Variants in SYT10 observed in about 807,000 individuals in gnomAD.
SYT10 encodes synaptotagmin-10.
In SYT10, 31 loss-of-function variants were observed where a neutral mutation model predicts 51.1. That is an observed-to-expected ratio of 0.61 (90% CI 0.46 to 0.82). The LOEUF is 0.82. Ranked by LOEUF, SYT10 falls within the 40% of genes least tolerant of loss-of-function variation. The pLI is 0.00. For synonymous variants in SYT10, 233 were observed against 225.9 expected, an observed-to-expected ratio of 1.03 and a Z score of -0.28; for missense variants, 603 against 634.0, an observed-to-expected ratio of 0.95 and a Z score of 0.53.
rs1866045329 is a variant in SYT10, at chr12:33,374,358, A to G, written c.*2472T>C. The G allele has an allele frequency of 6.6e-6, 1 of 151,744 alleles. No homozygotes were observed. Among genetic ancestry groups the G allele is most frequent in the Admixed American group, 6.6e-5 (1 of 15,218 alleles). 9.4% of individuals were successfully genotyped at this position (151,744 alleles called of 1,614,324 possible). On this transcript the variant is annotated 3_prime_UTR_variant, in exon 7 of 7. Transcript: ENST00000228567. Reference sequence around the variant, plus strand: ...GTGTCAGTACTGTCATTAAAATGTGATGTCCCACACAAATAAGGGGATTTG... The same window carrying G: ...GTGTCAGTACTGTCATTAAAATGTGGTGTCCCACACAAATAAGGGGATTTG...
intron 2 of SYT10, among the ~76,000 whole-genome samples, chr12:33,419,940 C>A (rs1321255752): frequency 6.6e-6 from 1 of 152,066 alleles, no homozygotes; most frequent in Non-Finnish European, 1.5e-5. Context: ...TTACTTGATT[C>A]CTAGAAGGTC....
rs994024796 is a variant in SYT10 at position 33,391,941 on chromosome 12, G to A, written c.1078-6650C>T. ...TACCAGCAACTAGAAAACAAGTGACGAAGACACTTTTTACGGGTGTTGTGG... is the reference window on the plus strand; with the variant it reads ...TACCAGCAACTAGAAAACAAGTGACAAAGACACTTTTTACGGGTGTTGTGG... On this transcript the variant is annotated intron_variant, in intron 3 of 6. Coordinates refer to ENST00000228567, the MANE Select transcript of SYT10 (RefSeq NM_198992.4). Among the ~76,000 whole-genome samples the A allele has an allele frequency of 6.6e-5, 10 of 152,130 alleles. 1 individual carries two copies. The highest frequency in any genetic ancestry group is 2.6e-4 in the Admixed American group (4 of 15,268).
At chr12:33,428,733 C>T (rs746480843) in intron 1 of SYT10, among the ~76,000 whole-genome samples, 1 of 152,038 alleles carries the variant, frequency 6.6e-6, no homozygotes, top group African/African-American at 2.4e-5. Context: ...GATGAAACTC[C>T]GTCTCTACTA....
chr12:33,418,650 A>ACTC (rs1199918363), intron 2 of SYT10, among the ~76,000 whole-genome samples: 12 of 151,680 alleles, frequency 7.9e-5, no homozygotes, highest in African/African-American at 2.9e-4. Flanking sequence ...GTCATTTTTG[A>ACTC]CTCTTCTTAT....
At chr12:33,418,538 C>T (rs1866474420) in intron 2 of SYT10, among the ~76,000 whole-genome samples, 1 of 152,274 alleles carries the variant, frequency 6.6e-6, no homozygotes, top group Middle Eastern at 3.4e-3. Flanking sequence ...TCTTTAAATA[C>T]CACAGGTCCG....
At chr12:33,396,625 G>A (rs1196711470) in intron 3 of SYT10, among the ~76,000 whole-genome samples, 1 of 151,672 alleles carries the variant, frequency 6.6e-6, no homozygotes, top group Non-Finnish European at 1.5e-5. Flanking sequence ...TATAATCTGT[G>A]TCTGAAATCT....
At chr12:33,430,572 T>C (rs976567099) in intron 1 of SYT10, among the ~76,000 whole-genome samples, 7 of 152,192 alleles carry the variant, frequency 4.6e-5, no homozygotes, top group African/African-American at 1.4e-4. Context: ...GAATTGATAT[T>C]CTCCTCTGTG....
At chr12:33,407,697 C>A in intron 2 of SYT10, 1 of 190,080 alleles carries the variant, frequency 5.3e-6, no homozygotes, top group Non-Finnish European at 1.1e-5. Flanking sequence ...CTTAAAACTC[C>A]TGAGCTCAAG....
intron 4 of SYT10, among the ~76,000 whole-genome samples, chr12:33,383,957 T>C (rs1443565349): frequency 1.3e-5 from 2 of 152,178 alleles, no homozygotes; most frequent in Non-Finnish European, 2.9e-5. Flanking sequence ...GAGTACACTG[T>C]TTATCTTAAA....
At chr12:33,387,142 T>A (rs1866163877) in intron 3 of SYT10, among the ~76,000 whole-genome samples, 1 of 152,200 alleles carries the variant, frequency 6.6e-6, no homozygotes, top group South Asian at 2.1e-4. Context: ...CATGATACAC[T>A]ATTAACATCT....
intron 3 of SYT10, among the ~76,000 whole-genome samples, chr12:33,387,821 C>T (rs570259322): frequency 0.011 from 1,632 of 146,986 alleles, 24 homozygotes; most frequent in African/African-American, 0.038. Context: ...GCAACCATTG[C>T]TCATGGCAGG....
chr12:33,390,467 C>T (rs757218652), intron 3 of SYT10, among the ~76,000 whole-genome samples: 30 of 152,128 alleles, frequency 2.0e-4, no homozygotes, highest in Admixed American at 6.6e-4. Flanking sequence ...AACTATTTGA[C>T]ATGACACATG....
intron 2 of SYT10, chr12:33,423,786 G>A: frequency 2.7e-6 from 1 of 365,934 alleles, no homozygotes; most frequent in Non-Finnish European, 5.3e-6. Context: ...TGCTTAATAT[G>A]TGTTCATCCA....
rs1218884316 is a variant in SYT10 at position 33,409,032 on chromosome 12, C to CT, written c.510-1677dup. ...GCTTTCTCTAGTCACCTTCAGCTGG[C>CT]TTTTTTTTTTCCTTCCAGCTCTGTC... On this transcript the variant is annotated intron_variant, in intron 2 of 6. Transcript: ENST00000228567. Among the ~76,000 whole-genome samples the CT allele has an allele frequency of 6.7e-3, 998 of 149,396 alleles. 10 individuals carry two copies. The highest frequency in any genetic ancestry group is 0.018 in the African/African-American group (717 of 40,762).
intron 3 of SYT10, among the ~76,000 whole-genome samples, chr12:33,390,605 A>G (rs1419182289): frequency 6.6e-6 from 1 of 152,220 alleles, no homozygotes; most frequent in Non-Finnish European, 1.5e-5. Flanking sequence ...CAAGGTAGAT[A>G]GCAAACATGT....
chr12:33,387,823 C>T (rs1866170391), intron 3 of SYT10, among the ~76,000 whole-genome samples: 1 of 147,428 alleles, frequency 6.8e-6, no homozygotes, highest in South Asian at 2.1e-4. Flanking sequence ...AACCATTGCT[C>T]ATGGCAGGCT....
At chr12:33,377,192 G>C (rs182763026) in intron 6 of SYT10, among the ~76,000 whole-genome samples, 236 of 152,198 alleles carry the variant, frequency 1.6e-3, no homozygotes, top group African/African-American at 5.5e-3. Flanking sequence ...CAGGGTTTTA[G>C]CTCTTTTCTA....
intron 4 of SYT10, among the ~76,000 whole-genome samples, chr12:33,384,364 A>G (rs1276206158): frequency 3.3e-5 from 5 of 152,066 alleles, no homozygotes; most frequent in Admixed American, 6.6e-5. Context: ...ATGCAAATTT[A>G]GGTTTTGTTG....
At chr12:33,386,884 T>C (rs1866161201) in intron 3 of SYT10, among the ~76,000 whole-genome samples, 1 of 152,230 alleles carries the variant, frequency 6.6e-6, no homozygotes, top group Non-Finnish European at 1.5e-5. Flanking sequence ...CTGTTTTATT[T>C]CATTTTTATA....
Sources: gnomAD v4.1 joint callset for allele counts (sites outside exome capture counted in the v4.1 genomes callset) on GRCh38, gnomAD v4.1.1 for gene constraint, MANE v1.5 for transcripts, NCBI Gene and HGNC (gene_info 2026-07-23, HGNC 2026-07-21) for gene names.